The following MYH3 variants were observed in gnomAD, a reference collection of about 807,000 sequenced individuals.
MYH3 encodes myosin heavy chain 3, also known as myosin-3.
In MYH3, 130 loss-of-function variants were observed where a neutral mutation model predicts 238.0. The ratio of observed to expected loss-of-function variants is 0.55; its 90% CI spans 0.47 to 0.63. The LOEUF is 0.63. Among genes scored for constraint, MYH3 ranks in the 30% least tolerant of loss-of-function variants. MYH3 has a pLI of 0.00. For missense variants in MYH3, 1,853 were observed against 2,374.9 expected (o/e 0.78, Z 4.57); for synonymous variants, 880 against 924.1 (o/e 0.95, Z 0.86).
intron 10 of MYH3, 150 bp downstream of exon 10, chr17:10,647,032 A>T (rs1855076138): frequency 2.9e-6 from 2 of 679,134 alleles, no homozygotes; most frequent in Non-Finnish European, 5.1e-6. Context: ...CCTGGGCATC[A>T]GAGTGAGACC....
At position 10,632,619 on chromosome 17, in the gene MYH3, C is replaced by T. The variant is rs773019520; in HGVS notation, c.4813G>A (p.Glu1605Lys). 4 of 1,614,016 alleles carry T rather than the reference C, an allele frequency of 2.5e-6. No homozygotes were observed. The highest frequency in any genetic ancestry group is 2.7e-5 in the African/African-American group (2 of 74,932). The change falls in exon 34 of 41, where the codon GAG becomes AAG. Residue 1605 changes from glutamate to lysine, a missense_variant. Coordinates refer to ENST00000583535, the MANE Select transcript of MYH3 (RefSeq NM_002470.4). ...VETMQSALDAEVRSRNEAIRL... is the reference protein window; with the variant it reads ...VETMQSALDAKVRSRNEAIRL... ...ATGGCTTCATTCCTGCTCCGCACCT[C>T]GGCGTCCAGGGCGCTCTGCATGGTT...
At chr17:10,676,195 G>A in the MYH3 span, 4 of 152,170 alleles carry the variant, frequency 2.6e-5, no homozygotes, top group African/African-American at 7.2e-5. Flanking sequence ...AGATTCACAC[G>A]ATTCTCCTAC....
chr17:10,675,279 C>T, the MYH3 span: 6 of 152,798 alleles, frequency 3.9e-5, no homozygotes, highest in Admixed American at 1.3e-4. Context: ...CTTGCTGACA[C>T]TTTCTCCACG....
intron 6 of MYH3, 97 bp from the exon 7 acceptor site, chr17:10,649,782 C>T: frequency 9.5e-7 from 1 of 1,052,976 alleles, no homozygotes; most frequent in East Asian, 2.4e-5. Context: ...TGGTCTGAGC[C>T]ATCTCTGACA....
the MYH3 span, among the ~76,000 whole-genome samples, chr17:10,668,402 C>T: frequency 6.6e-6 from 1 of 152,146 alleles, no homozygotes; most frequent in South Asian, 2.1e-4. Flanking sequence ...TATCTATCTA[C>T]CTACCTATCT....
Position 10,638,043 on chromosome 17 carries a change from C to T in MYH3, c.3729G>A (p.Lys1243=). Residue 1243 remains lysine (K), a splice_region_variant and synonymous_variant, in exon 27 of 41, where the codon AAG becomes AAA. Transcript: ENST00000583535. Reference sequence around the variant, plus strand: ...GAGCCACCCCCACCCCGCGCAGCACCTTAGATTTCGACACACTCTCCATGC... The same window carrying T: ...GAGCCACCCCCACCCCGCGCAGCACTTTAGATTTCGACACACTCTCCATGC... ...SSSMESVSKS[K]ANLEKICRTL... 1 of 1,613,984 alleles carries T rather than the reference C, an allele frequency of 6.2e-7. No homozygotes were observed. Among genetic ancestry groups the T allele is most frequent in the Non-Finnish European group, 8.5e-7 (1 of 1,180,006 alleles).
Position 10,634,023 on chromosome 17 carries a change from A to C in MYH3, c.4516T>G (p.Leu1506Val). 6.2e-7 allele frequency: 1 copy of C among 1,614,028 alleles called. No homozygotes were observed. The highest frequency in any genetic ancestry group is 8.5e-7 in the Non-Finnish European group (1 of 1,180,046). Residue 1506 changes from leucine to valine, a missense_variant, in exon 32 of 41, where the codon TTA (leucine) becomes GTA (valine). Leu to Val is a conservative substitution (Grantham distance 32). Transcript: ENST00000583535. ...LETVKRENKN[L>V]EQEIADLTEQ... ...AGGGTTTCGAATAGCTTACGCTCTA[A>C]GTTCTTATTTTCCCGTTTCACAGTT...
chr17:10,667,270 T>C, the MYH3 span, among the ~76,000 whole-genome samples: 4 of 152,240 alleles, frequency 2.6e-5, no homozygotes, highest in African/African-American at 9.6e-5. Flanking sequence ...AGCATAACGA[T>C]ATTTATTGTG....
chr17:10,672,265 A>C, the MYH3 span, among the ~76,000 whole-genome samples: 1 of 152,198 alleles, frequency 6.6e-6, no homozygotes, highest in African/African-American at 2.4e-5. Flanking sequence ...GTAACGTTTT[A>C]CATAATATGG....
At chr17:10,659,976 G>C (rs1597497760), upstream of MYH3, among the ~76,000 whole-genome samples, 1 of 152,364 alleles carries the variant, frequency 6.6e-6, no homozygotes, top group Non-Finnish European at 1.5e-5. Context: ...ATCTTTAGGA[G>C]AGGTGAGAAC....
At chr17:10,668,605 GA>G in the MYH3 span, among the ~76,000 whole-genome samples, 1 of 152,206 alleles carries the variant, frequency 6.6e-6, no homozygotes, top group Non-Finnish European at 1.5e-5. Context: ...AACTGGATAT[GA>G]AATGATACTC....
chr17:10,657,778 C>G (rs1373153611), upstream of MYH3, among the ~76,000 whole-genome samples: 3 of 152,186 alleles, frequency 2.0e-5, no homozygotes. Flanking sequence ...GATTTTATCA[C>G]AACCTTGGGT....
At position 10,634,144 on chromosome 17, in the gene MYH3, T is replaced by G; in HGVS notation, c.4395A>C (p.Gln1465His). 1.9e-6 allele frequency: 3 copies of G among 1,614,258 alleles called. No homozygotes were observed. The highest frequency in any genetic ancestry group is 2.5e-6 in the Non-Finnish European group (3 of 1,180,046). Residue 1465 changes from glutamine (Q) to histidine (H), a missense_variant, in exon 32 of 41, where the codon CAA becomes CAC. Around this residue, in one of 3 missense-constraint regions of MYH3, gnomAD observed 1,044 missense variants for 1,192.6 expected, o/e 0.88. Transcript: ENST00000583535. Reference protein sequence around the residue: ...AEWKTKCEESQAELEASLKES... With the variant: ...AEWKTKCEESHAELEASLKES... ...CCTTCAGGGATGCCTCCAGCTCTGC[T>G]TGGCTCTCCTCACACTTTGTCTTCC...
chr17:10,641,664 G>A (rs939660890), intron 17 of MYH3, among the ~76,000 whole-genome samples: 2 of 151,994 alleles, frequency 1.3e-5, no homozygotes, highest in African/African-American at 4.8e-5. Context: ...ACAGGCATAT[G>A]CCACCACACC....
Position 10,651,572 on chromosome 17 carries a change from G to A in MYH3, c.445C>T (p.Gln149Ter), listed in dbSNP as rs1464629204. The change falls in exon 5 of 41, where the codon CAG becomes TAG. Residue 149 changes from glutamine to a stop codon, truncating the protein, a stop_gained. Coordinates refer to ENST00000583535, the MANE Select transcript of MYH3 (RefSeq NM_002470.4). LOFTEE classifies it high-confidence loss of function. ...VVEGYRGKKR[Q>*]EAPPHIFSIS... ...GAGAAGATGTGGGGTGGGGCCTCCT[G>A]GCGCTTTTTGCCTCGGTAGCCTTCC... 6.2e-7 allele frequency: 1 copy of A among 1,613,996 alleles called. No homozygotes were observed.
At position 10,654,609 on chromosome 17, in the gene MYH3, C is replaced by T. The variant is rs902643619; in HGVS notation, c.204+252G>A. Among the ~76,000 whole-genome samples the T allele has an allele frequency of 2.6e-5, 4 of 152,224 alleles. No homozygotes were observed. The highest frequency in any genetic ancestry group is 4.1e-4 in the South Asian group (2 of 4,834). ...CTGGGCCCCTCTGGCCTACAGTGAA[C>T]GTGGACAAAAATACCTGAAAACTAA... On this transcript the variant is annotated intron_variant, in intron 3 of 40. Coordinates refer to ENST00000583535, the MANE Select transcript of MYH3 (RefSeq NM_002470.4). The surrounding 1 kb of genome is among the most constrained non-coding windows in gnomAD (Gnocchi z 4.5).
chr17:10,637,762 G>A, intron 28 of MYH3, 47 bp downstream of exon 28: 1 of 1,612,654 alleles, frequency 6.2e-7, no homozygotes, highest in Non-Finnish European at 8.5e-7. Context: ...TACGCCCATT[G>A]GGTGCCAGGA....
intron 7 of MYH3, 131 bp downstream of exon 7, chr17:10,649,446 A>G (rs1369836781): frequency 6.3e-6 from 5 of 792,444 alleles, no homozygotes; most frequent in Non-Finnish European, 8.8e-6. Context: ...CTGTCCTTCA[A>G]GATAGTAAAT....
intron 31 of MYH3, 126 bp from the exon 32 acceptor site, chr17:10,634,308 T>C (rs770548172): frequency 9.5e-7 from 1 of 1,057,984 alleles, no homozygotes; most frequent in Non-Finnish European, 1.4e-6. Context: ...GGCTCCTTGT[T>C]GTCGATTATT....
Sources: gnomAD v4.1 joint callset for allele counts (sites outside exome capture counted in the v4.1 genomes callset) on GRCh38, gnomAD v4.1.1 for gene constraint, gnomAD v4.1.1 regional missense constraint, Gnocchi (gnomAD v3.1) non-coding constraint, MANE v1.5 for transcripts, NCBI Gene and HGNC (gene_info 2026-07-23, HGNC 2026-07-21) for gene names.